Variants in DHX29 observed in about 807,000 individuals in gnomAD.
The protein encoded by DHX29 is DExH-box helicase 29, also known as ATP-dependent RNA helicase DHX29.
In DHX29, 79 loss-of-function variants were observed where a neutral mutation model predicts 167.9. The observed-to-expected ratio is 0.47, with a 90% CI of 0.39 to 0.57. The LOEUF (loss-of-function observed/expected upper bound fraction) is 0.57. Ranked by LOEUF, DHX29 falls within the 20% of genes least tolerant of loss-of-function variation. DHX29 has a pLI of 0.00. For missense variants in DHX29, 1,347 were observed against 1,593.4 expected, an observed-to-expected ratio of 0.85 and a Z score of 2.63; for synonymous variants, 530 against 546.0, an observed-to-expected ratio of 0.97 and a Z score of 0.41.
At chr5:55,306,325 A>T (rs1395377899) in intron 1 of DHX29, among the ~76,000 whole-genome samples, 2 of 152,146 alleles carry the variant, frequency 1.3e-5, no homozygotes, top group Admixed American at 1.3e-4. Flanking sequence ...CATGATGTTC[A>T]TTACGCCCGC....
intron 23 of DHX29, among the ~76,000 whole-genome samples, 164 bp from the exon 24 acceptor site, chr5:55,263,096 G>T (rs536234265): frequency 6.6e-6 from 1 of 152,030 alleles, no homozygotes; most frequent in Non-Finnish European, 1.5e-5. Flanking sequence ...AAAGATACTG[G>T]AAAGTCAAGA....
chr5:55,263,770 T>C (rs1232263734), intron 23 of DHX29, among the ~76,000 whole-genome samples: 3 of 24,328 alleles, frequency 1.2e-4, no homozygotes, highest in Admixed American at 5.0e-4. Flanking sequence ...GATTTCTACA[T>C]GTTCCCAGTC....
At chr5:55,295,249 G>C (rs553981751) in intron 5 of DHX29, 130 bp downstream of exon 5, 32 of 720,626 alleles carry the variant, frequency 4.4e-5, no homozygotes, top group Non-Finnish European at 7.2e-5. Context: ...TGATAGAAAA[G>C]TCTAGCAAAC....
At chr5:55,277,884 C>T (rs1023066336) in intron 12 of DHX29, among the ~76,000 whole-genome samples, 4 of 128,954 alleles carry the variant, frequency 3.1e-5, no homozygotes, top group African/African-American at 6.0e-5. Context: ...CCAGCCTGGG[C>T]GACAGAGTAA....
At chr5:55,266,353 A>G (rs1579757447) in intron 23 of DHX29, among the ~76,000 whole-genome samples, 1 of 135,286 alleles carries the variant, frequency 7.4e-6, no homozygotes, top group Admixed American at 7.9e-5. Context: ...CTTGTTGCCC[A>G]GGCTGGAGTA....
chr5:55,262,505 T>G, intron 24 of DHX29, 125 bp downstream of exon 24: 1 of 1,261,752 alleles, frequency 7.9e-7, no homozygotes. Flanking sequence ...TGATTTCAAA[T>G]ATTAACAAAA....
intron 12 of DHX29, among the ~76,000 whole-genome samples, chr5:55,278,796 G>A (rs1313184570): frequency 6.6e-6 from 1 of 152,158 alleles, no homozygotes; most frequent in African/African-American, 2.4e-5. Flanking sequence ...ATGAATTCAT[G>A]GTAGAAAGAA....
intron 10 of DHX29, 82 bp from the exon 11 acceptor site, chr5:55,283,893 A>G (rs1460455327): frequency 1.1e-5 from 12 of 1,129,678 alleles, no homozygotes; most frequent in African/African-American, 3.1e-5. Flanking sequence ...AAGGATAGCT[A>G]TATTCATCTT....
At chr5:55,304,674 C>A (rs1053082350) in intron 1 of DHX29, among the ~76,000 whole-genome samples, 1 of 151,678 alleles carries the variant, frequency 6.6e-6, no homozygotes, top group Non-Finnish European at 1.5e-5. Context: ...CCTCCCTATT[C>A]GGCCTCTTCA....
chr5:55,296,166 C>T (rs1748308087), intron 4 of DHX29, 54 bp downstream of exon 4: 1 of 1,544,468 alleles, frequency 6.5e-7, no homozygotes. Context: ...GATACAAATA[C>T]CAAAACTACT....
intron 23 of DHX29, among the ~76,000 whole-genome samples, chr5:55,266,062 C>T (rs1051736083): frequency 6.6e-6 from 1 of 150,836 alleles, no homozygotes; most frequent in Non-Finnish European, 1.5e-5. Flanking sequence ...TGCAGTGGTG[C>T]GATCTTGGCT....
chr5:55,261,333 T>G (rs774331378), intron 25 of DHX29, 35 bp downstream of exon 25: 1 of 1,310,778 alleles, frequency 7.6e-7, no homozygotes, highest in South Asian at 1.5e-5. Flanking sequence ...AGTTGAAAAT[T>G]TTTAATAATC....
At chr5:55,264,018 A>T (rs2245516) in intron 23 of DHX29, among the ~76,000 whole-genome samples, 1 of 151,540 alleles carries the variant, frequency 6.6e-6, no homozygotes, top group African/African-American at 2.4e-5. Context: ...ATCTGGGCCA[A>T]GTGAGGTGGC....
intron 3 of DHX29, among the ~76,000 whole-genome samples, chr5:55,296,559 A>G (rs1748331487): frequency 6.6e-6 from 1 of 152,200 alleles, no homozygotes; most frequent in Non-Finnish European, 1.5e-5. Flanking sequence ...GAAATTATCC[A>G]TATTCTCACT....
At chr5:55,287,016 G>GA (rs1747764973) in intron 8 of DHX29, among the ~76,000 whole-genome samples, 1 of 152,190 alleles carries the variant, frequency 6.6e-6, no homozygotes, top group Admixed American at 6.5e-5. Context: ...ATCTATATTA[G>GA]AAGCTACTTC....
chr5:55,263,075 A>G lies in DHX29; in HGVS notation c.3526-143T>C, dbSNP rs563662227. The G allele has an allele frequency of 1.1e-5, 7 of 639,224 alleles. No homozygotes were observed. In the East Asian group the frequency reaches 1.4e-4, roughly 13 times the overall value. The allele number at this position is 639,224 out of a possible 1,614,324, so 39.6% of individuals were successfully genotyped here. A position where few individuals can be genotyped will look rare whatever the true frequency, so the allele number is the denominator to read the frequency against. The stretch of plus-strand genomic sequence containing the variant: ...GGCTAACGATAGCCCAAATTACCTT[A>G]GGGAAAAAAAAAAGATACTGGAAAG... On this transcript the variant is annotated intron_variant, in intron 23 of 26. Transcript: ENST00000251636.
At chr5:55,285,272 G>A in intron 10 of DHX29, 21 bp downstream of exon 10, 2 of 1,612,650 alleles carry the variant, frequency 1.2e-6, no homozygotes, top group Non-Finnish European at 1.7e-6. Context: ...TACAGATATA[G>A]TTAGGCCTAA....
Position 55,283,657 on chromosome 5 carries a change from T to C in DHX29, c.1511A>G (p.Gln504Arg). Residue 504 changes from glutamine (Q) to arginine (R), a missense_variant, in exon 11 of 27, where the codon CAG becomes CGG. Transcript: ENST00000251636. ...KLLNKLKQQQ[Q>R]QQQQHSENKR... ...ATTTTCAGAATGCTGTTGTTGCTGC[T>C]GTTGCTGCTGTTTCAGTTTATTCAG... 6.2e-7 allele frequency: 1 copy of C among 1,614,178 alleles called. No homozygotes were observed. Among genetic ancestry groups the C allele is most frequent in the African/African-American group, 1.3e-5 (1 of 75,066 alleles).
At chr5:55,257,264 T>C in intron 26 of DHX29, among the ~76,000 whole-genome samples, 1 of 152,182 alleles carries the variant, frequency 6.6e-6, no homozygotes, top group South Asian at 2.1e-4. Flanking sequence ...GCTGCAAAAC[T>C]GAAATTCTAC....
Sources: allele counts gnomAD v4.1 joint callset (sites outside exome capture counted in the v4.1 genomes callset), GRCh38; gene constraint gnomAD v4.1.1; transcripts MANE v1.5; gene names NCBI Gene and HGNC (gene_info 2026-07-23, HGNC 2026-07-21).